PCDHA4: variants seen among roughly 807,000 people sequenced by gnomAD.
PCDHA4 encodes protocadherin alpha-4.
Under a neutral mutation model 61.4 loss-of-function variants are expected in PCDHA4, and 49 were observed. The observed-to-expected ratio is 0.80, with a 90% CI of 0.63 to 1.01. The LOEUF (loss-of-function observed/expected upper bound fraction) is 1.01. PCDHA4 is among the 50% of genes least tolerant of loss of function. PCDHA4 has a pLI of 0.00. For missense variants in PCDHA4, 1,254 were observed against 1,235.8 expected (o/e 1.01, Z -0.22); for synonymous variants, 590 against 550.3 (o/e 1.07, Z -1.01).
chr5:140,934,611 C>T (rs1346764744), intron 1 of PCDHA4, among the ~76,000 whole-genome samples: 2 of 151,950 alleles, frequency 1.3e-5, no homozygotes, highest in Non-Finnish European at 2.9e-5. Context: ...TTTGATTAGC[C>T]TGAGGTACAG....
intron 1 of PCDHA4, chr5:140,871,449 G>A: frequency 6.2e-7 from 1 of 1,608,762 alleles, no homozygotes; most frequent in Non-Finnish European, 8.5e-7. Context: ...TGAATAAAGA[G>A]GAGGAAGGGG....
At chr5:140,849,756 T>C (rs1554143259) in intron 1 of PCDHA4, 2 of 1,598,354 alleles carry the variant, frequency 1.3e-6, no homozygotes, top group Admixed American at 1.7e-5. Flanking sequence ...TGTGTCCGCC[T>C]ACGAGCTGGT....
intron 1 of PCDHA4, chr5:140,830,314 C>T: frequency 6.2e-7 from 1 of 1,613,988 alleles, no homozygotes; most frequent in South Asian, 1.1e-5. Flanking sequence ...CGCTGGTGTG[C>T]TCCAGCGCAG....
intron 1 of PCDHA4, chr5:140,848,337 C>A (rs1402833811): frequency 1.3e-5 from 11 of 873,306 alleles, no homozygotes; most frequent in South Asian, 1.7e-5. Context: ...TGAATCCAGA[C>A]AAATACAGCC....
At chr5:140,850,277 G>A (rs2150477192) in intron 1 of PCDHA4, 1 of 1,595,522 alleles carries the variant, frequency 6.3e-7, no homozygotes, top group South Asian at 1.1e-5. Flanking sequence ...TGGGGAAGGT[G>A]CGCGCAGTGG....
chr5:140,957,416 A>T (rs1456143168), intron 1 of PCDHA4, among the ~76,000 whole-genome samples: 2 of 152,144 alleles, frequency 1.3e-5, no homozygotes, highest in East Asian at 1.9e-4. Flanking sequence ...TATTGTTGTT[A>T]ATCTTTTACT....
intron 1 of PCDHA4, among the ~76,000 whole-genome samples, chr5:140,897,497 G>C (rs1554187423): frequency 6.6e-6 from 1 of 152,010 alleles, no homozygotes; most frequent in Admixed American, 6.6e-5. Flanking sequence ...TTTCAACCAT[G>C]TCCCTACAAA....
At chr5:140,875,463 A>G in intron 1 of PCDHA4, 1 of 1,599,288 alleles carries the variant, frequency 6.3e-7, no homozygotes, top group Non-Finnish European at 8.5e-7. Context: ...AGAGGCCCTC[A>G]TTTTCTGCAA....
intron 1 of PCDHA4, among the ~76,000 whole-genome samples, chr5:140,898,335 A>C (rs1232674937): frequency 2.6e-5 from 4 of 152,208 alleles, no homozygotes; most frequent in African/African-American, 9.6e-5. Context: ...CTAACGTTTA[A>C]GTCTTTAATC....
In PCDHA4 at chr5:140,850,172, C is replaced by A. The variant is rs2150470572; in HGVS notation, c.2385+40600C>A. 55 of 1,594,266 alleles carry A rather than the reference C, an allele frequency of 3.4e-5. 7 individuals are homozygous for A. Among genetic ancestry groups the A allele is most frequent in the Non-Finnish European group, 4.5e-5 (52 of 1,167,736 alleles). ...TGCAGGTGTTCGTGCTGGACGAGAA[C>A]GACAATGCGCCGGCGCTGCTGACAC... is the stretch of plus-strand genomic sequence containing the variant. On this transcript the variant is annotated intron_variant, in intron 1 of 3. Transcript: ENST00000530339.
chr5:140,987,790 A>AT (rs1409478213), intron 3 of PCDHA4, among the ~76,000 whole-genome samples: 3 of 152,100 alleles, frequency 2.0e-5, no homozygotes, highest in Admixed American at 6.6e-5. Context: ...TATAGAGAAG[A>AT]TTTTTTTAAA....
At chr5:140,817,472 T>G (rs1241284280) in intron 1 of PCDHA4, 1 of 152,252 alleles carries the variant, frequency 6.6e-6, no homozygotes, top group African/African-American at 2.4e-5. Context: ...TGTCACTACC[T>G]CTGTTATCTT....
At position 140,809,611 on chromosome 5, in the gene PCDHA4, T is replaced by A. The variant is rs782280245; in HGVS notation, c.2385+39T>A. 12 of 1,519,438 alleles carry A rather than the reference T, an allele frequency of 7.9e-6. No individual in the cohort carries two copies. The African/African-American group carries it at 8.4e-5, about 11-fold the overall frequency. The allele number at this position is 1,519,438 out of a possible 1,614,324, so 94.1% of individuals were successfully genotyped here. A position where few individuals can be genotyped will look rare whatever the true frequency, so the allele number is the denominator to read the frequency against. ...ATCCTTTTGTTTAATTTTCGTATTG[T>A]TTTTCTCTATCAACTTCTTCGTAAA... On this transcript the variant is annotated intron_variant, in intron 1 of 3. Transcript: ENST00000530339.
chr5:140,889,089 A>G (rs1186785152), intron 1 of PCDHA4, among the ~76,000 whole-genome samples: 2 of 151,884 alleles, frequency 1.3e-5, no homozygotes, highest in Non-Finnish European at 2.9e-5. Flanking sequence ...AATTTTCAAA[A>G]CAATTTTTTC....
chr5:140,948,255 C>G (rs1271882562), intron 1 of PCDHA4, among the ~76,000 whole-genome samples: 1 of 151,484 alleles, frequency 6.6e-6, no homozygotes, highest in Non-Finnish European at 1.5e-5. Flanking sequence ...ATTTTTACAT[C>G]TGTGTTCATG....
chr5:140,934,377 G>A (rs1183246116), intron 1 of PCDHA4, among the ~76,000 whole-genome samples: 2 of 152,050 alleles, frequency 1.3e-5, no homozygotes, highest in Non-Finnish European at 2.9e-5. Flanking sequence ...TCCTTCTGTG[G>A]TTCTATGGTG....
chr5:141,002,806 G>T (rs1341419225), intron 3 of PCDHA4, among the ~76,000 whole-genome samples: 1 of 152,162 alleles, frequency 6.6e-6, no homozygotes, highest in Non-Finnish European at 1.5e-5. Context: ...GGAAACTGAG[G>T]CTCAGAGATA....
intron 1 of PCDHA4, among the ~76,000 whole-genome samples, chr5:140,889,933 A>T (rs1034906344): frequency 7.9e-5 from 12 of 152,188 alleles, no homozygotes; most frequent in African/African-American, 2.9e-4. Context: ...CTCAAGCTGG[A>T]CTTGTGAGAA....
At chr5:140,951,523 G>A (rs868992487) in intron 1 of PCDHA4, among the ~76,000 whole-genome samples, 1 of 151,994 alleles carries the variant, frequency 6.6e-6, no homozygotes, top group Non-Finnish European at 1.5e-5. Context: ...ATCTTACATG[G>A]CCGGTGCAGG....
Sources: allele counts gnomAD v4.1 joint callset (sites outside exome capture counted in the v4.1 genomes callset), GRCh38; gene constraint gnomAD v4.1.1; transcripts MANE v1.5; gene names NCBI Gene and HGNC (gene_info 2026-07-23, HGNC 2026-07-21).